Variants in NRG1 observed in about 807,000 individuals in gnomAD.
The protein encoded by NRG1 is neuregulin 1.
NRG1 carries 18 observed loss-of-function variants against 63.8 expected under a neutral mutation model. The observed-to-expected ratio is 0.28, with a 90% CI of 0.19 to 0.42. The LOEUF is 0.42. NRG1 is among the 10% of genes least tolerant of loss of function. The pLI, the probability that NRG1 is intolerant of heterozygous loss-of-function variation, is 1.00. For synonymous variants in NRG1, 302 were observed against 301.3 expected, an observed-to-expected ratio of 1.00 and a Z score of -0.02; for missense variants, 762 against 814.7, an observed-to-expected ratio of 0.94 and a Z score of 0.79.
At chr8:32,474,815 T>C (rs1049145576) in intron 1 of NRG1, among the ~76,000 whole-genome samples, 5 of 152,184 alleles carry the variant, frequency 3.3e-5, no homozygotes, top group Admixed American at 3.3e-4. Context: ...ATATTCCTGT[T>C]TTTATGGTTG....
At chr8:31,796,692 C>CAAA (rs1821262849) in intron 1 of NRG1, among the ~76,000 whole-genome samples, 1 of 152,122 alleles carries the variant, frequency 6.6e-6, no homozygotes, top group Non-Finnish European at 1.5e-5. Flanking sequence ...CTGCCTCAGC[C>CAAA]TCCCAAAGTA....
intron 11 of NRG1, among the ~76,000 whole-genome samples, chr8:32,762,864 C>T (rs1216262971): frequency 4.6e-5 from 7 of 152,008 alleles, no homozygotes; most frequent in Non-Finnish European, 1.0e-4. Flanking sequence ...ACAGTGTGCT[C>T]GGTGGCCTAA....
At chr8:32,752,055 A>G (rs1828833768) in intron 7 of NRG1, among the ~76,000 whole-genome samples, 1 of 152,192 alleles carries the variant, frequency 6.6e-6, no homozygotes, top group Non-Finnish European at 1.5e-5. Flanking sequence ...GCCCATCTTC[A>G]AAGAAGAAAA....
intron 1 of NRG1, among the ~76,000 whole-genome samples, chr8:32,132,388 A>G (rs1326226703): frequency 6.6e-6 from 1 of 152,076 alleles, no homozygotes; most frequent in East Asian, 1.9e-4. Context: ...ACTAATTTCC[A>G]AAAAGGTGTG....
intron 1 of NRG1, among the ~76,000 whole-genome samples, chr8:32,058,773 G>A (rs1245437701): frequency 1.3e-5 from 2 of 151,742 alleles, no homozygotes; most frequent in African/African-American, 4.8e-5. Context: ...AGTAAAACAC[G>A]TAAAGTCATT....
chr8:32,286,594 T>C (rs1216329735), intron 1 of NRG1, among the ~76,000 whole-genome samples: 1 of 152,248 alleles, frequency 6.6e-6, no homozygotes, highest in East Asian at 1.9e-4. Context: ...TTCTCACTCT[T>C]AGTTCTTGAG....
intron 1 of NRG1, among the ~76,000 whole-genome samples, chr8:32,349,978 C>T (rs1805390738): frequency 6.6e-6 from 1 of 152,154 alleles, no homozygotes; most frequent in South Asian, 2.1e-4. Flanking sequence ...GTACTTGCAT[C>T]AACAAATCTT....
intron 1 of NRG1, among the ~76,000 whole-genome samples, chr8:31,957,752 G>C (rs1804693429): frequency 6.6e-6 from 1 of 152,140 alleles, no homozygotes; most frequent in African/African-American, 2.4e-5. Context: ...TCCTGTATTG[G>C]ATGACACAGG....
chr8:32,480,026 C>T (rs1328211713), intron 1 of NRG1, among the ~76,000 whole-genome samples: 1 of 152,056 alleles, frequency 6.6e-6, no homozygotes, highest in African/African-American at 2.4e-5. Flanking sequence ...ACAGATCTGT[C>T]AAATAGACAT....
chr8:32,752,874 A>G (rs1829002583), intron 7 of NRG1, among the ~76,000 whole-genome samples: 1 of 152,046 alleles, frequency 6.6e-6, no homozygotes, highest in Non-Finnish European at 1.5e-5. Flanking sequence ...TGATTTGACA[A>G]TGTTCTTGAC....
chr8:32,116,953 A>G (rs1304226879), intron 1 of NRG1, among the ~76,000 whole-genome samples: 1 of 144,052 alleles, frequency 6.9e-6, no homozygotes, highest in African/African-American at 2.6e-5. Flanking sequence ...ACCAACCAAT[A>G]TAGAGACCCT....
chr8:32,230,299 G>A (rs1056666076), intron 1 of NRG1, among the ~76,000 whole-genome samples: 27 of 152,202 alleles, frequency 1.8e-4, no homozygotes, highest in African/African-American at 6.3e-4. Flanking sequence ...AAGTTGCAGA[G>A]AGGGAAATGG....
intron 1 of NRG1, among the ~76,000 whole-genome samples, chr8:31,794,869 C>G (rs1325432702): frequency 6.6e-6 from 1 of 152,110 alleles, no homozygotes; most frequent in African/African-American, 2.4e-5. Context: ...GCAGCACAAT[C>G]TCAGCTCCCT....
intron 1 of NRG1, among the ~76,000 whole-genome samples, chr8:31,880,013 T>C (rs988808127): frequency 2.6e-5 from 4 of 152,172 alleles, no homozygotes; most frequent in Admixed American, 1.3e-4. Context: ...AATGCTGCAA[T>C]GAACATTGGC....
intron 1 of NRG1, among the ~76,000 whole-genome samples, chr8:31,698,341 A>G (rs1810298790): frequency 6.6e-6 from 1 of 152,116 alleles, no homozygotes; most frequent in Non-Finnish European, 1.5e-5. Flanking sequence ...ATTTATGACC[A>G]TTTACAGGAT....
intron 5 of NRG1, among the ~76,000 whole-genome samples, chr8:32,725,498 CAG>C (rs1430852455): frequency 1.0e-4 from 7 of 67,436 alleles, no homozygotes; most frequent in Non-Finnish European, 1.7e-4. Flanking sequence ...TTTTTTGAGA[CAG>C]AGTTTCTCTC....
intron 1 of NRG1, among the ~76,000 whole-genome samples, chr8:32,235,008 A>G (rs905773483): frequency 2.0e-5 from 3 of 151,976 alleles, no homozygotes; most frequent in Non-Finnish European, 4.4e-5. Flanking sequence ...CTAATTGAGT[A>G]TTTTTCTCCC....
At chr8:32,002,283 C>T (rs931075503) in intron 1 of NRG1, among the ~76,000 whole-genome samples, 3 of 152,022 alleles carry the variant, frequency 2.0e-5, no homozygotes, top group African/African-American at 7.2e-5. Context: ...CTCAGCCTCC[C>T]AAAGTGCTGG....
chr8:32,202,358 C>T (rs1471050588), intron 1 of NRG1, among the ~76,000 whole-genome samples: 1 of 152,098 alleles, frequency 6.6e-6, no homozygotes. Flanking sequence ...GTGCTCAAAC[C>T]CCTTATGGGA....
Sources: gnomAD v4.1 joint callset for allele counts (sites outside exome capture counted in the v4.1 genomes callset) on GRCh38, gnomAD v4.1.1 for gene constraint, MANE v1.5 for transcripts, NCBI Gene and HGNC (gene_info 2026-07-23, HGNC 2026-07-21) for gene names.